The following SAXO1 variants were observed in gnomAD, a reference collection of about 807,000 sequenced individuals.
SAXO1 encodes stabilizer of axonemal microtubules 1, also known as 4930500O09Rik.
A neutral mutation model predicts 17.5 loss-of-function variants in SAXO1; 21 were observed. The observed-to-expected ratio is 1.20, with a 90% CI of 0.85 to 1.72. SAXO1 has a LOEUF of 1.72. Ranked by LOEUF, SAXO1 falls within the 40% of genes most tolerant of loss-of-function variation. SAXO1 has a pLI of 0.00. For synonymous variants in SAXO1, 274 were observed against 216.5 expected (o/e 1.27, Z -2.33); for missense variants, 843 against 596.0 (o/e 1.41, Z -4.32).
chr9:18,972,538 T>G (rs1420216930), intron 1 of SAXO1, among the ~76,000 whole-genome samples: 1 of 152,174 alleles, frequency 6.6e-6, no homozygotes, highest in Non-Finnish European at 1.5e-5. Context: ...CTTTACAATC[T>G]TATTAGAACA....
chr9:18,937,850 C>A (rs186304050), intron 3 of SAXO1, among the ~76,000 whole-genome samples: 10 of 152,252 alleles, frequency 6.6e-5, no homozygotes, highest in Non-Finnish European at 1.3e-4. Flanking sequence ...TTATAAATTA[C>A]TCACTCTCAA....
chr9:18,937,464 C>T (rs1350339545), intron 3 of SAXO1, among the ~76,000 whole-genome samples: 1 of 152,200 alleles, frequency 6.6e-6, no homozygotes, highest in Non-Finnish European at 1.5e-5. Context: ...TTGGGAAGCC[C>T]TTCTATCACA....
intron 1 of SAXO1, among the ~76,000 whole-genome samples, chr9:19,009,231 C>T (rs1247379126): frequency 1.7e-5 from 2 of 118,006 alleles, no homozygotes; most frequent in South Asian, 5.6e-4. Flanking sequence ...CATTGTTTTT[C>T]AAATCTGCCA....
chr9:18,989,614 A>C (rs1833728901), intron 1 of SAXO1, among the ~76,000 whole-genome samples: 1 of 152,024 alleles, frequency 6.6e-6, no homozygotes, highest in South Asian at 2.1e-4. Flanking sequence ...TCAAATGTTT[A>C]GTACTTTCAG....
In SAXO1 at chr9:19,032,868, T is replaced by A. The variant is rs1387266601; in HGVS notation, c.38+3A>T. ...AGCCTTGCCCTGGGCGTGGCCACCT[T>A]ACCCGCAGGAGCACAGTTCACAGAT... On this transcript the variant is annotated splice_donor_region_variant and intron_variant, in intron 1 of 3. Transcript: ENST00000380534. 3 of 1,610,420 alleles carry A rather than the reference T, an allele frequency of 1.9e-6. No homozygotes were observed. In the African/African-American group the frequency reaches 4.0e-5, roughly 21 times the overall value.
chr9:18,956,149 C>T (rs145274969), intron 1 of SAXO1, among the ~76,000 whole-genome samples: 2,385 of 144,950 alleles, frequency 0.016, 75 homozygotes, highest in African/African-American at 0.058. Flanking sequence ...TGGAGTTTTG[C>T]CATGTTGCCC....
At chr9:18,930,698 C>T (rs751237832) in intron 3 of SAXO1, among the ~76,000 whole-genome samples, 4 of 152,162 alleles carry the variant, frequency 2.6e-5, no homozygotes, top group African/African-American at 7.2e-5. Context: ...GGTGTTTCTC[C>T]GTGTTGGTCA....
chr9:18,976,911 C>T (rs963866758), intron 1 of SAXO1, among the ~76,000 whole-genome samples: 3 of 152,212 alleles, frequency 2.0e-5, no homozygotes, highest in African/African-American at 7.2e-5. Context: ...GGAACGACCC[C>T]ACAAAACCAC....
intron 1 of SAXO1, among the ~76,000 whole-genome samples, chr9:18,991,558 G>A (rs149769197): frequency 1.8e-4 from 27 of 152,206 alleles, no homozygotes; most frequent in African/African-American, 6.0e-4. Flanking sequence ...ACACCCTGGG[G>A]CTTGTCGCGG....
At chr9:19,031,198 G>C (rs1835750728) in intron 1 of SAXO1, among the ~76,000 whole-genome samples, 1 of 152,250 alleles carries the variant, frequency 6.6e-6, no homozygotes, top group Admixed American at 6.5e-5. Context: ...CAAAGATGGA[G>C]ACTATGTCTT....
intron 2 of SAXO1, among the ~76,000 whole-genome samples, chr9:18,950,554 C>T (rs1388493932): frequency 6.6e-6 from 1 of 152,168 alleles, no homozygotes; most frequent in African/African-American, 2.4e-5. Flanking sequence ...TTCTCTTTAA[C>T]AGAGAATTTG....
At chr9:19,027,229 GAC>G (rs1835519660) in intron 1 of SAXO1, 1 of 1,156,248 alleles carries the variant, frequency 8.6e-7, no homozygotes, top group African/African-American at 1.5e-5. Flanking sequence ...ACCTCTACAC[GAC>G]AGACATACTT....
chr9:19,047,551 CT>C (rs1290241069), intron 1 of SAXO1, among the ~76,000 whole-genome samples: 4 of 151,376 alleles, frequency 2.6e-5, no homozygotes, highest in Non-Finnish European at 1.5e-5. Flanking sequence ...CAAATTTGGG[CT>C]CAACAATGCC....
At chr9:19,022,136 G>A (rs796251701) in intron 1 of SAXO1, among the ~76,000 whole-genome samples, 20 of 152,324 alleles carry the variant, frequency 1.3e-4, no homozygotes, top group South Asian at 2.1e-4. Context: ...GCAAGACCAC[G>A]AACCCACGGG....
chr9:18,941,348 T>C (rs1307270562), intron 3 of SAXO1, among the ~76,000 whole-genome samples: 3 of 152,222 alleles, frequency 2.0e-5, no homozygotes, highest in Non-Finnish European at 4.4e-5. Context: ...CGTAAATGAA[T>C]GAATATGGCT....
At chr9:19,029,591 T>C (rs1835666429) in intron 1 of SAXO1, among the ~76,000 whole-genome samples, 1 of 152,116 alleles carries the variant, frequency 6.6e-6, no homozygotes, top group South Asian at 2.1e-4. Flanking sequence ...AGGGATTTAA[T>C]TGGGGTGGGA....
chr9:18,961,701 T>G (rs1588444712), intron 1 of SAXO1, among the ~76,000 whole-genome samples: 1 of 152,232 alleles, frequency 6.6e-6, no homozygotes, highest in Non-Finnish European at 1.5e-5. Flanking sequence ...TATTCCATGG[T>G]GTATATGTGC....
At chr9:19,033,899 C>T (rs143709024), upstream of SAXO1, among the ~76,000 whole-genome samples, 2 of 152,270 alleles carry the variant, frequency 1.3e-5, no homozygotes, top group South Asian at 2.1e-4. Context: ...ACGGACCACA[C>T]TTTAAGAACT....
chr9:19,018,953 T>C (rs569732320), intron 1 of SAXO1, among the ~76,000 whole-genome samples: 4 of 151,830 alleles, frequency 2.6e-5, no homozygotes, highest in African/African-American at 9.7e-5. Context: ...CTACTAAAAA[T>C]ACAAAATTAG....
Sources: allele counts gnomAD v4.1 joint callset (sites outside exome capture counted in the v4.1 genomes callset), GRCh38; gene constraint gnomAD v4.1.1; transcripts MANE v1.5; gene names NCBI Gene and HGNC (gene_info 2026-07-23, HGNC 2026-07-21).